The following ABHD2 variants were observed in gnomAD, a reference collection of about 807,000 sequenced individuals.
ABHD2 encodes monoacylglycerol lipase ABHD2.
In ABHD2, 20 loss-of-function variants were observed where a neutral mutation model predicts 48.1. The observed-to-expected ratio is 0.42, with a 90% CI of 0.29 to 0.60. The LOEUF is 0.60. ABHD2 is among the 20% of genes least tolerant of loss of function. The pLI, the probability that ABHD2 is intolerant of heterozygous loss-of-function variation, is 0.24. For missense variants in ABHD2, 405 were observed against 550.9 expected (o/e 0.74, Z 2.65); for synonymous variants, 209 against 214.2 (o/e 0.98, Z 0.21).
the ABHD2 span, among the ~76,000 whole-genome samples, chr15:89,059,283 A>G: frequency 6.6e-6 from 1 of 152,140 alleles, no homozygotes; most frequent in Non-Finnish European, 1.5e-5. Context: ...ACACCCACTC[A>G]CATCCTCACA....
upstream of ABHD2, among the ~76,000 whole-genome samples, chr15:89,085,528 A>T (rs1272524726): frequency 6.6e-6 from 1 of 152,168 alleles, no homozygotes; most frequent in Non-Finnish European, 1.5e-5. The surrounding 1 kb of genome is among the most constrained non-coding windows in gnomAD (Gnocchi z 4.2). Flanking sequence ...TCATTCTTTA[A>T]GCCTGCCAGA....
chr15:89,171,617 T>C lies in ABHD2; in HGVS notation c.539-4195T>C, dbSNP rs144254071. ...CTGTGGAAACCTTGCTTTGAGGAAA[T>C]GTTTGGAAAACTGCTACCAGGCTAA... On this transcript the variant is annotated intron_variant, in intron 5 of 10. Transcript: ENST00000352732. Among the ~76,000 whole-genome samples, 420 of 152,284 alleles carry C rather than the reference T, an allele frequency of 2.8e-3. 2 individuals carry two copies. The highest frequency in any genetic ancestry group is 9.2e-3 in the African/African-American group (382 of 41,544).
rs941344967 is a variant in ABHD2 at position 89,188,688 on chromosome 15, C to T, written c.926+385C>T. Among the ~76,000 whole-genome samples, 2 of 152,068 alleles carry T rather than the reference C, an allele frequency of 1.3e-5. No individual in the cohort carries two copies. Among genetic ancestry groups the T allele is most frequent in the African/African-American group, 4.8e-5 (2 of 41,396 alleles). On this transcript the variant is annotated intron_variant, in intron 8 of 10. Coordinates refer to ENST00000352732, the MANE Select transcript of ABHD2 (RefSeq NM_152924.5). The surrounding 1 kb of genome is among the most constrained non-coding windows in gnomAD (Gnocchi z 4.1). ...AGTGGAGTAAAAGGCAAAAGAAATA[C>T]TTCTTGTACTTCTCTGTGTCTCTAA... is the stretch of plus-strand genomic sequence containing the variant.
the ABHD2 span, among the ~76,000 whole-genome samples, chr15:89,063,830 C>CA: frequency 6.6e-6 from 1 of 152,082 alleles, no homozygotes; most frequent in South Asian, 2.1e-4. Context: ...TCATGGAAGA[C>CA]AATTTTTCCA....
At chr15:89,129,944 C>T (rs924947847) in intron 3 of ABHD2, among the ~76,000 whole-genome samples, 1 of 151,958 alleles carries the variant, frequency 6.6e-6, no homozygotes, top group Non-Finnish European at 1.5e-5. Context: ...ATAATGTACA[C>T]GAAGGTCACA....
At position 89,200,714 on chromosome 15, in the gene ABHD2, ATCT is replaced by A. The variant is rs767204928; in HGVS notation, c.*5295_*5297del. On this transcript the variant is annotated 3_prime_UTR_variant, in exon 11 of 11. Coordinates refer to ENST00000352732, the MANE Select transcript of ABHD2 (RefSeq NM_152924.5). ...TACCAATGAAATGGTAGGTAAACAA[ATCT>A]TCTGGTCAAGAGAAAAAAAAAAGAA... The A allele has an allele frequency of 1.5e-4, 35 of 229,632 alleles. No homozygotes were observed. The highest frequency in any genetic ancestry group is 2.6e-4 in the Non-Finnish European group (29 of 111,504). The allele number at this position is 229,632 out of a possible 1,614,324, so 14.2% of individuals were successfully genotyped here. A position where few individuals can be genotyped will look rare whatever the true frequency, so the allele number is the denominator to read the frequency against.
At chr15:89,169,593 G>C (rs1019670082) in intron 5 of ABHD2, among the ~76,000 whole-genome samples, 1 of 152,134 alleles carries the variant, frequency 6.6e-6, no homozygotes, top group South Asian at 2.1e-4. Context: ...CTTAGGAAGC[G>C]GTGGAGAAGT....
Position 89,186,189 on chromosome 15 carries a change from C to A in ABHD2, c.815+673C>A, listed in dbSNP as rs932509001. Among the ~76,000 whole-genome samples, 1 of 152,128 alleles carries A rather than the reference C, an allele frequency of 6.6e-6. No homozygotes were observed. The highest frequency in any genetic ancestry group is 2.4e-5 in the African/African-American group (1 of 41,428). On this transcript the variant is annotated intron_variant, in intron 7 of 10. Transcript: ENST00000352732. The surrounding 1 kb of genome is among the most constrained non-coding windows in gnomAD (Gnocchi z 4.3). The stretch of plus-strand genomic sequence containing the variant: ...TCTTGGCTGGCGCTTGGGCTTCTGA[C>A]CAAGCAGCAGCGGGACAGGAGGCTC...
intron 5 of ABHD2, among the ~76,000 whole-genome samples, chr15:89,163,912 CA>C (rs2050798950): frequency 6.6e-6 from 1 of 152,236 alleles, no homozygotes; most frequent in Admixed American, 6.5e-5. Flanking sequence ...GCTTCAAACA[CA>C]GGCAGTCTCG....
chr15:89,123,622 A>G (rs187147609), intron 3 of ABHD2, among the ~76,000 whole-genome samples: 161 of 108,700 alleles, frequency 1.5e-3, no homozygotes, highest in African/African-American at 5.7e-3. Flanking sequence ...TTTTGAGACA[A>G]TGTCTCACTC....
At position 89,183,384 on chromosome 15, in the gene ABHD2, A is replaced by AAAATATATATATATAT. The variant is rs61602174; in HGVS notation, c.723-2039_723-2038insAATATATATATATATA. Reference sequence around the variant, plus strand: ...AGTCCTTTTCAAAAAAAAAAAAAAAAATATATATATATATATATATATATA... The same window carrying AAAATATATATATATAT: ...AGTCCTTTTCAAAAAAAAAAAAAAAAAAATATATATATATATATATATATATATATATATATATATA... On this transcript the variant is annotated intron_variant, in intron 6 of 10. Transcript: ENST00000352732. 19 of 46,262 alleles carry AAAATATATATATATAT rather than the reference A, an allele frequency of 4.1e-4. 1 individual carries two copies. The highest frequency in any genetic ancestry group is 6.6e-4 in the Admixed American group (2 of 3,040). The allele number at this position is 46,262 out of a possible 1,614,324, so 2.9% of individuals were successfully genotyped here.
At chr15:89,101,975 G>A (rs1485234977) in intron 1 of ABHD2, among the ~76,000 whole-genome samples, 1 of 152,104 alleles carries the variant, frequency 6.6e-6, no homozygotes, top group Non-Finnish European at 1.5e-5. Context: ...AGCCCTATGC[G>A]CACAGCCAAG....
rs1335779484 is a variant in ABHD2, at chr15:89,137,178, C to G, written c.195-14499C>G. Among the ~76,000 whole-genome samples the G allele has an allele frequency of 6.6e-6, 1 of 152,076 alleles. No homozygotes were observed. The highest frequency in any genetic ancestry group is 1.5e-5 in the Non-Finnish European group (1 of 68,010). On this transcript the variant is annotated intron_variant, in intron 3 of 10. Coordinates refer to ENST00000352732, the MANE Select transcript of ABHD2 (RefSeq NM_152924.5). This position sits in a 1 kb window ranked among gnomAD's most constrained non-coding sequence, Gnocchi z 4.8. ...TCTGGAGCTTCTTAATAAACTGCCT[C>G]CCTACTTAAAGCATGGTGTCAAAAC...
the ABHD2 span, among the ~76,000 whole-genome samples, chr15:89,057,721 A>G: frequency 6.6e-6 from 1 of 151,532 alleles, no homozygotes; most frequent in Non-Finnish European, 1.5e-5. Context: ...GGGGCCATCT[A>G]TTGCCACCAT....
rs562998409 is a variant in ABHD2, at chr15:89,147,161, G to A, written c.195-4516G>A. ...TGTATATTAAAGATGTCCACTGAAA[G>A]TAGGGAAACGATAGGCCATTCATTG... On this transcript the variant is annotated intron_variant, in intron 3 of 10. Coordinates refer to ENST00000352732, the MANE Select transcript of ABHD2 (RefSeq NM_152924.5). 5.1e-4 allele frequency among the ~76,000 whole-genome samples: 77 copies of A among 152,254 alleles called. 1 individual carries two copies. Among genetic ancestry groups the A allele is most frequent in the African/African-American group, 1.7e-3 (71 of 41,552 alleles).
chr15:89,059,333 C>A, the ABHD2 span, among the ~76,000 whole-genome samples: 2 of 152,164 alleles, frequency 1.3e-5, no homozygotes, highest in African/African-American at 2.4e-5. Flanking sequence ...ATGGTTCTGA[C>A]CACCTACCTG....
In ABHD2 at chr15:89,114,040, A is replaced by G. The variant is rs1414707660; in HGVS notation, c.-7+216A>G. On this transcript the variant is annotated intron_variant, in intron 2 of 10. Coordinates refer to ENST00000352732, the MANE Select transcript of ABHD2 (RefSeq NM_152924.5). The surrounding 1 kb of genome is among the most constrained non-coding windows in gnomAD (Gnocchi z 4.2). Reference sequence around the variant, plus strand: ...TAGTTCAGTTCTGTATTACCAGCATATAGTCAGAGAATTTCTGGTGGATTT... The same window carrying G: ...TAGTTCAGTTCTGTATTACCAGCATGTAGTCAGAGAATTTCTGGTGGATTT... Among the ~76,000 whole-genome samples the G allele has an allele frequency of 1.3e-5, 2 of 152,222 alleles. No homozygotes were observed. Among genetic ancestry groups the G allele is most frequent in the African/African-American group, 2.4e-5 (1 of 41,460 alleles).
At chr15:89,193,177 C>A in intron 9 of ABHD2, 58 bp from the exon 10 acceptor site, 7 of 1,531,688 alleles carry the variant, frequency 4.6e-6, no homozygotes, top group South Asian at 1.1e-5. Flanking sequence ...AGCCTTGAAT[C>A]GATGGGGTCT....
chr15:89,166,515 G>T lies in ABHD2; in HGVS notation c.539-9297G>T, dbSNP rs572162788. On this transcript the variant is annotated intron_variant, in intron 5 of 10. Coordinates refer to ENST00000352732, the MANE Select transcript of ABHD2 (RefSeq NM_152924.5). This position sits in a 1 kb window ranked among gnomAD's most constrained non-coding sequence, Gnocchi z 4.6. Reference sequence around the variant, plus strand: ...TTTTTAAACTATCTTTTGGATTAAGGCTGCAGTGAACCGTGATCATGCCAC... The same window carrying T: ...TTTTTAAACTATCTTTTGGATTAAGTCTGCAGTGAACCGTGATCATGCCAC... Among the ~76,000 whole-genome samples, 1 of 152,138 alleles carries T rather than the reference G, an allele frequency of 6.6e-6. No homozygotes were observed.
Sources: gnomAD v4.1 joint callset for allele counts (sites outside exome capture counted in the v4.1 genomes callset) on GRCh38, gnomAD v4.1.1 for gene constraint, Gnocchi (gnomAD v3.1) non-coding constraint, MANE v1.5 for transcripts, NCBI Gene and HGNC (gene_info 2026-07-23, HGNC 2026-07-21) for gene names.